Variants in ELF1 observed in about 807,000 individuals in gnomAD.
The protein encoded by ELF1 is E74 like ETS transcription factor 1.
Under a neutral mutation model 59.9 loss-of-function variants are expected in ELF1, and 24 were observed. That is an observed-to-expected ratio of 0.40 (90% confidence interval 0.29 to 0.56). The LOEUF is 0.56. ELF1 is among the 20% of genes least tolerant of loss of function. ELF1 has a pLI of 0.44. For missense variants in ELF1, 627 were observed against 742.2 expected, an observed-to-expected ratio of 0.84 and a Z score of 1.80; for synonymous variants, 248 against 266.2, an observed-to-expected ratio of 0.93 and a Z score of 0.67.
chr13:41,060,866 T>TCGCCGCACCTCTCGC (rs1877546559), exon 1 of ELF1: 1 of 330,884 alleles, frequency 3.0e-6, no homozygotes, highest in Non-Finnish European at 5.9e-6. Context: ...TCTGCCTCCT[T>TCGCCGCACCTCTCGC]CGCCGCACCT....
At chr13:41,018,251 T>C (rs1442581430) in intron 1 of ELF1, among the ~76,000 whole-genome samples, 1 of 152,214 alleles carries the variant, frequency 6.6e-6, no homozygotes, top group Non-Finnish European at 1.5e-5. Context: ...ACAGAGCACC[T>C]AGAACTTTAA....
chr13:40,949,744 A>G, intron 5 of ELF1, 62 bp downstream of exon 5: 1 of 1,554,568 alleles, frequency 6.4e-7, no homozygotes, highest in Non-Finnish European at 8.8e-7. Context: ...GTAGAATAAA[A>G]GTGATATCTA....
chr13:41,059,630 C>T (rs913136302), intron 1 of ELF1, among the ~76,000 whole-genome samples: 6 of 152,120 alleles, frequency 3.9e-5, no homozygotes, highest in African/African-American at 1.4e-4. Flanking sequence ...TTCCCAGAGG[C>T]CCAATAAACA....
chr13:41,021,554 G>C (rs1875690439), upstream of ELF1, among the ~76,000 whole-genome samples: 1 of 152,122 alleles, frequency 6.6e-6, no homozygotes, highest in South Asian at 2.1e-4. Context: ...CAATCTACTT[G>C]GGTTTCAATC....
intron 5 of ELF1, 73 bp downstream of exon 5, chr13:40,949,733 T>C (rs984249329): frequency 3.3e-6 from 5 of 1,520,736 alleles, no homozygotes; most frequent in African/African-American, 2.8e-5. Flanking sequence ...GAAAGAACTA[T>C]GTAGAATAAA....
chr13:40,981,153 T>C (rs1209426251), intron 2 of ELF1, among the ~76,000 whole-genome samples: 1 of 152,204 alleles, frequency 6.6e-6, no homozygotes, highest in Non-Finnish European at 1.5e-5. Context: ...ATTAGGCTTA[T>C]TTCAGTGATA....
intron 1 of ELF1, among the ~76,000 whole-genome samples, chr13:40,995,932 C>T (rs1390995854): frequency 6.6e-6 from 1 of 151,988 alleles, no homozygotes; most frequent in Non-Finnish European, 1.5e-5. Flanking sequence ...AAAGACAAAC[C>T]ACAGATTAAA....
At chr13:40,961,295 T>C (rs1421279701) in intron 2 of ELF1, among the ~76,000 whole-genome samples, 1 of 152,254 alleles carries the variant, frequency 6.6e-6, no homozygotes, top group African/African-American at 2.4e-5. Context: ...TTTCAAAATC[T>C]TTCTTCCTGT....
At chr13:41,058,188 G>A (rs1475946146) in intron 1 of ELF1, among the ~76,000 whole-genome samples, 1 of 152,112 alleles carries the variant, frequency 6.6e-6, no homozygotes, top group Non-Finnish European at 1.5e-5. Context: ...GTCACTCCTT[G>A]ATAAAAGAAC....
chr13:40,935,579 T>C (rs1024617515), intron 8 of ELF1, among the ~76,000 whole-genome samples: 20 of 152,032 alleles, frequency 1.3e-4, no homozygotes, highest in African/African-American at 4.6e-4. Context: ...TTACCAAACT[T>C]AGATGGCCAC....
rs1870114455 is a variant in ELF1, at chr13:40,940,910, G to A, written c.1256+11C>T. The A allele has an allele frequency of 1.3e-6, 2 of 1,598,102 alleles. No homozygotes were observed. Among genetic ancestry groups the A allele is most frequent in the African/African-American group, 2.7e-5 (2 of 74,374 alleles). ...TTGAAGTGATAAGCATCAGTAGTTTGGTTTTCTCACCTAATACTCTGAACG... is the reference window on the plus strand; with the variant it reads ...TTGAAGTGATAAGCATCAGTAGTTTAGTTTTCTCACCTAATACTCTGAACG... On this transcript the variant is annotated intron_variant, in intron 8 of 8. Transcript: ENST00000239882.
At chr13:40,971,689 G>A (rs1261023481) in intron 2 of ELF1, among the ~76,000 whole-genome samples, 1 of 152,192 alleles carries the variant, frequency 6.6e-6, no homozygotes, top group Non-Finnish European at 1.5e-5. Flanking sequence ...TCCTTGTGGA[G>A]TTATTTTTTA....
In ELF1 at chr13:41,004,536, C is replaced by CTTAG. The variant is rs918239865; in HGVS notation, c.-229+14688_-229+14691dup. On this transcript the variant is annotated intron_variant, in intron 1 of 8. Transcript: ENST00000239882. The stretch of plus-strand genomic sequence containing the variant: ...GAACATCATTTACTAACTGTATTTT[C>CTTAG]TTAGATAAGTCAACCTCTATAACTT... Among the ~76,000 whole-genome samples, 7 of 152,192 alleles carry CTTAG rather than the reference C, an allele frequency of 4.6e-5. No homozygotes were observed. The East Asian group carries it at 9.6e-4, about 21-fold the overall frequency.
At chr13:40,954,226 A>C (rs180781571) in intron 3 of ELF1, among the ~76,000 whole-genome samples, 171 of 152,300 alleles carry the variant, frequency 1.1e-3, no homozygotes, top group African/African-American at 3.9e-3. Flanking sequence ...ACATGCAAAA[A>C]ATGCTTTGTT....
chr13:40,971,736 T>G (rs942029175), intron 2 of ELF1, among the ~76,000 whole-genome samples: 3 of 152,232 alleles, frequency 2.0e-5, no homozygotes, highest in African/African-American at 7.2e-5. Context: ...GTCATGACAA[T>G]TGGCTTTCTT....
chr13:40,994,160 A>G (rs750206021), intron 1 of ELF1, among the ~76,000 whole-genome samples: 16 of 150,956 alleles, frequency 1.1e-4, no homozygotes, highest in Non-Finnish European at 1.9e-4. Context: ...TCTTTCACAT[A>G]GTTCTTCACT....
At chr13:40,939,584 G>C (rs933381937) in intron 8 of ELF1, among the ~76,000 whole-genome samples, 1 of 152,126 alleles carries the variant, frequency 6.6e-6, no homozygotes, top group Non-Finnish European at 1.5e-5. Flanking sequence ...ACAGGGCCTA[G>C]GGAAATATAA....
chr13:40,953,799 C>T (rs1449814219), intron 3 of ELF1, among the ~76,000 whole-genome samples: 6 of 152,160 alleles, frequency 3.9e-5, no homozygotes, highest in African/African-American at 1.4e-4. Flanking sequence ...TTTTTCATGA[C>T]ATTGCTCAGA....
At chr13:40,971,138 A>G (rs532009030) in intron 2 of ELF1, among the ~76,000 whole-genome samples, 1 of 152,336 alleles carries the variant, frequency 6.6e-6, no homozygotes, top group African/African-American at 2.4e-5. Context: ...ATTTATTACT[A>G]AGTCATAATG....
Sources: gnomAD v4.1 joint callset for allele counts (sites outside exome capture counted in the v4.1 genomes callset) on GRCh38, gnomAD v4.1.1 for gene constraint, MANE v1.5 for transcripts, NCBI Gene and HGNC (gene_info 2026-07-23, HGNC 2026-07-21) for gene names.